Variants in UTRN observed in about 807,000 individuals in gnomAD.
The protein encoded by UTRN is utrophin, also known as dystrophin-related protein 1.
Under a neutral mutation model 463.9 loss-of-function variants are expected in UTRN, and 283 were observed. The ratio of observed to expected loss-of-function variants is 0.61; its 90% CI spans 0.55 to 0.67. UTRN has a LOEUF of 0.67. Among genes scored for constraint, UTRN ranks in the 30% least tolerant of loss-of-function variants. The pLI, the probability that UTRN is intolerant of heterozygous loss-of-function variation, is 0.00. For missense variants in UTRN, 3,922 were observed against 4,084.3 expected (o/e 0.96, Z 1.08); for synonymous variants, 1,442 against 1,431.5 (o/e 1.01, Z -0.17).
intron 23 of UTRN, 113 bp downstream of exon 23, chr6:144,462,979 T>C (rs942102779): frequency 7.3e-5 from 66 of 901,574 alleles, no homozygotes; most frequent in Middle Eastern, 3.2e-4. Context: ...AGATCCCCAT[T>C]TATTATGTAT....
At chr6:144,710,136 A>T (rs1417649289) in intron 53 of UTRN, among the ~76,000 whole-genome samples, 1 of 152,214 alleles carries the variant, frequency 6.6e-6, no homozygotes, top group African/African-American at 2.4e-5. Flanking sequence ...TTTACATTTA[A>T]ATGTTTAGGT....
At chr6:144,482,114 C>G in intron 26 of UTRN, 95 bp from the exon 27 acceptor site, 2 of 1,133,488 alleles carry the variant, frequency 1.8e-6, no homozygotes, top group Admixed American at 7.0e-5. Context: ...GATGTTTTAA[C>G]TTTGGTTTAA....
intron 51 of UTRN, among the ~76,000 whole-genome samples, chr6:144,622,277 G>C (rs912098243): frequency 7.3e-6 from 1 of 136,460 alleles, no homozygotes; most frequent in Non-Finnish European, 1.5e-5. Flanking sequence ...CCGCCTCCCA[G>C]GTTCATGCAA....
intron 52 of UTRN, among the ~76,000 whole-genome samples, chr6:144,689,822 G>A (rs1302321400): frequency 1.3e-5 from 2 of 152,072 alleles, no homozygotes; most frequent in Non-Finnish European, 2.9e-5. Context: ...GGGCCTCCTG[G>A]TTAGCCAGGG....
At chr6:144,635,028 A>C (rs1025454026) in intron 51 of UTRN, among the ~76,000 whole-genome samples, 1 of 151,926 alleles carries the variant, frequency 6.6e-6, no homozygotes, top group African/African-American at 2.4e-5. Flanking sequence ...TAGAACTGCT[A>C]GGCCTGTTAA....
intron 45 of UTRN, among the ~76,000 whole-genome samples, chr6:144,542,121 T>G (rs1327297462): frequency 3.3e-5 from 5 of 152,112 alleles, no homozygotes; most frequent in Non-Finnish European, 5.9e-5. Flanking sequence ...AAAGTCATGT[T>G]TTTGAAATAT....
At chr6:144,796,154 A>G (rs755571577) in intron 63 of UTRN, among the ~76,000 whole-genome samples, 2 of 152,170 alleles carry the variant, frequency 1.3e-5, no homozygotes, top group Admixed American at 6.5e-5. Context: ...TCCCAACACC[A>G]TTTATTAAAT....
chr6:144,532,536 C>A (rs1797158940), intron 42 of UTRN, among the ~76,000 whole-genome samples: 1 of 152,190 alleles, frequency 6.6e-6, no homozygotes, highest in Admixed American at 6.5e-5. Flanking sequence ...AGTTACCTCC[C>A]ACTGGGTCCC....
At chr6:144,465,079 C>A (rs1385609254) in intron 23 of UTRN, among the ~76,000 whole-genome samples, 1 of 152,172 alleles carries the variant, frequency 6.6e-6, no homozygotes, top group Non-Finnish European at 1.5e-5. Flanking sequence ...GACAGCCTCA[C>A]AACAAAATAA....
At chr6:144,514,078 T>C (rs772974991) in intron 36 of UTRN, 41 bp downstream of exon 36, 11 of 1,610,098 alleles carry the variant, frequency 6.8e-6, no homozygotes, top group Non-Finnish European at 5.9e-6. Context: ...GGGAGTGGCA[T>C]GTTTTGTTGT....
chr6:144,846,596 A>G (rs1782035126), intron 73 of UTRN, among the ~76,000 whole-genome samples: 1 of 152,194 alleles, frequency 6.6e-6, no homozygotes, highest in Non-Finnish European at 1.5e-5. Flanking sequence ...GGGATATGAG[A>G]AACTAACCAG....
intron 2 of UTRN, among the ~76,000 whole-genome samples, chr6:144,320,132 G>A (rs577472614): frequency 9.8e-5 from 15 of 152,296 alleles, no homozygotes; most frequent in East Asian, 1.9e-4. Flanking sequence ...GATTACAGGC[G>A]TGAGCCACTG....
intron 26 of UTRN, 69 bp from the exon 27 acceptor site, chr6:144,482,136 AAAAG>A: frequency 1.5e-6 from 2 of 1,322,656 alleles, no homozygotes; most frequent in South Asian, 2.4e-5. Flanking sequence ...TCTTGAAAAA[AAAAG>A]AAAGAAAAGA....
At chr6:144,372,813 A>G (rs893084106) in intron 2 of UTRN, among the ~76,000 whole-genome samples, 2 of 152,174 alleles carry the variant, frequency 1.3e-5, no homozygotes, top group African/African-American at 4.8e-5. Context: ...AAGAATTCTT[A>G]TAACTCAACA....
chr6:144,343,206 A>G (rs1777279296), intron 2 of UTRN, among the ~76,000 whole-genome samples: 1 of 152,176 alleles, frequency 6.6e-6, no homozygotes, highest in South Asian at 2.1e-4. Flanking sequence ...ATTTCACAAC[A>G]AGCAAGAAAA....
At chr6:144,813,491 A>G (rs1449466015) in intron 65 of UTRN, among the ~76,000 whole-genome samples, 1 of 152,228 alleles carries the variant, frequency 6.6e-6, no homozygotes, top group Non-Finnish European at 1.5e-5. Context: ...CCTGGCCCAG[A>G]GTTTTTCCAT....
intron 58 of UTRN, among the ~76,000 whole-genome samples, chr6:144,767,674 A>G (rs1044697726): frequency 1.3e-5 from 2 of 152,160 alleles, no homozygotes; most frequent in African/African-American, 4.8e-5. Context: ...CAAATCGAGC[A>G]CTCAAATAGC....
intron 2 of UTRN, among the ~76,000 whole-genome samples, chr6:144,308,552 C>T (rs142045468): frequency 3.9e-5 from 6 of 152,240 alleles, no homozygotes; most frequent in African/African-American, 7.2e-5. Flanking sequence ...CTCAGCCTCC[C>T]GAAGTGTTGG....
chr6:144,434,321 A>AG (rs1307148883), intron 9 of UTRN, among the ~76,000 whole-genome samples: 1 of 117,168 alleles, frequency 8.5e-6, no homozygotes, highest in Non-Finnish European at 1.7e-5. Flanking sequence ...TCGGCATCAG[A>AG]GGGAGACCGT....
Sources: gnomAD v4.1 joint callset for allele counts (sites outside exome capture counted in the v4.1 genomes callset) on GRCh38, gnomAD v4.1.1 for gene constraint, MANE v1.5 for transcripts, NCBI Gene and HGNC (gene_info 2026-07-23, HGNC 2026-07-21) for gene names.